Variants in FSHR observed in about 807,000 individuals in gnomAD.
FSHR encodes follicle-stimulating hormone receptor.
A neutral mutation model predicts 52.1 loss-of-function variants in FSHR; 46 were observed. The ratio of observed to expected loss-of-function variants is 0.88; its 90% CI spans 0.70 to 1.13. The LOEUF is 1.13. FSHR is among the 50% of genes most tolerant of loss of function. FSHR has a pLI of 0.00. For synonymous variants in FSHR, 399 were observed against 309.6 expected (o/e 1.29, Z -3.03); for missense variants, 964 against 834.6 (o/e 1.16, Z -1.91).
intron 4 of FSHR, among the ~76,000 whole-genome samples, chr2:49,013,124 CCCCCCA>C (rs1667335827): frequency 6.6e-6 from 1 of 150,748 alleles, no homozygotes; most frequent in Non-Finnish European, 1.5e-5. Context: ...TCTATCTTCC[CCCCCCA>C]CCCCCACTTT....
intron 2 of FSHR, among the ~76,000 whole-genome samples, chr2:49,062,052 A>T (rs949293150): frequency 6.6e-6 from 1 of 151,816 alleles, no homozygotes; most frequent in Admixed American, 6.6e-5. Flanking sequence ...TGCAATTCAG[A>T]CCAAATGGAC....
intron 1 of FSHR, among the ~76,000 whole-genome samples, chr2:49,127,019 A>C (rs1415239332): frequency 6.6e-6 from 1 of 152,188 alleles, no homozygotes; most frequent in Non-Finnish European, 1.5e-5. Context: ...CATGTGGGAA[A>C]GATAGAATAA....
At chr2:49,106,534 A>C (rs1671230487) in intron 1 of FSHR, among the ~76,000 whole-genome samples, 1 of 152,202 alleles carries the variant, frequency 6.6e-6, no homozygotes, top group Non-Finnish European at 1.5e-5. Flanking sequence ...GATTGAAATC[A>C]ATTAAGCGAG....
intron 1 of FSHR, among the ~76,000 whole-genome samples, chr2:49,111,955 C>A (rs567320768): frequency 1.3e-5 from 2 of 152,096 alleles, no homozygotes; most frequent in Non-Finnish European, 2.9e-5. Flanking sequence ...GACAATATTG[C>A]CCGTAATTTA....
At chr2:49,058,542 T>C (rs10451651) in intron 2 of FSHR, among the ~76,000 whole-genome samples, 83,966 of 151,788 alleles carry the variant, frequency 0.55, 23,588 homozygotes, top group East Asian at 0.75. Flanking sequence ...AAGACTCTGT[T>C]TCAACACCCT....
chr2:49,062,277 T>C (rs1669339754), intron 2 of FSHR, among the ~76,000 whole-genome samples: 1 of 152,142 alleles, frequency 6.6e-6, no homozygotes, highest in Non-Finnish European at 1.5e-5. Context: ...TATAGTGAAG[T>C]GATTTTCAAC....
intron 2 of FSHR, among the ~76,000 whole-genome samples, chr2:49,035,451 C>G (rs1018482368): frequency 2.6e-5 from 4 of 152,316 alleles, no homozygotes; most frequent in Middle Eastern, 6.8e-3. Context: ...ATCCTCTTCT[C>G]TGCCTCCCAC....
At chr2:49,037,461 G>A (rs1394521483) in intron 2 of FSHR, among the ~76,000 whole-genome samples, 2 of 151,968 alleles carry the variant, frequency 1.3e-5, no homozygotes, top group African/African-American at 4.8e-5. Context: ...CATATTAGAG[G>A]GAATATTTGC....
At chr2:49,069,092 C>T (rs1669629237) in intron 1 of FSHR, among the ~76,000 whole-genome samples, 1 of 152,078 alleles carries the variant, frequency 6.6e-6, no homozygotes, top group Non-Finnish European at 1.5e-5. Context: ...AAATTCCTTC[C>T]AATGGCTCCT....
chr2:49,083,347 G>A (rs1387506480), intron 1 of FSHR, among the ~76,000 whole-genome samples: 168 of 150,486 alleles, frequency 1.1e-3, no homozygotes, highest in African/African-American at 3.8e-3. Flanking sequence ...TGAAGGAAGC[G>A]CTAAACATGG....
intron 1 of FSHR, among the ~76,000 whole-genome samples, chr2:49,070,883 G>T (rs1332485946): frequency 1.3e-5 from 2 of 152,150 alleles, no homozygotes; most frequent in Non-Finnish European, 2.9e-5. Context: ...AGTAGAGCTT[G>T]CAAGGATATG....
chr2:49,101,188 A>G (rs1178523418), intron 1 of FSHR, among the ~76,000 whole-genome samples: 1 of 152,192 alleles, frequency 6.6e-6, no homozygotes, highest in Non-Finnish European at 1.5e-5. Flanking sequence ...TAACCTTCCA[A>G]AAATTTTGGA....
At chr2:49,051,340 C>T (rs1294562244) in intron 2 of FSHR, among the ~76,000 whole-genome samples, 3 of 152,122 alleles carry the variant, frequency 2.0e-5, no homozygotes, top group Non-Finnish European at 4.4e-5. Context: ...CACAGCCTCA[C>T]CAGTAACCTA....
At chr2:49,108,423 C>T (rs574822151) in intron 1 of FSHR, among the ~76,000 whole-genome samples, 3 of 152,156 alleles carry the variant, frequency 2.0e-5, no homozygotes, top group Admixed American at 2.0e-4. Context: ...ATATCCATAC[C>T]TGGGTTTATT....
At chr2:48,977,908 TTA>T (rs1360308749) in intron 8 of FSHR, among the ~76,000 whole-genome samples, 1 of 152,160 alleles carries the variant, frequency 6.6e-6, no homozygotes, top group East Asian at 1.9e-4. Flanking sequence ...TTTTTAAACT[TTA>T]TCTTTCAGGC....
chr2:49,080,283 G>C (rs1457095829), intron 1 of FSHR, among the ~76,000 whole-genome samples: 1 of 152,124 alleles, frequency 6.6e-6, no homozygotes, highest in Non-Finnish European at 1.5e-5. Flanking sequence ...GCTTTCAAGA[G>C]TCATTTGTTA....
At chr2:49,135,646 C>G (rs1672463345) in intron 1 of FSHR, among the ~76,000 whole-genome samples, 2 of 152,102 alleles carry the variant, frequency 1.3e-5, no homozygotes, top group South Asian at 2.1e-4. Context: ...GTTAGGTTTA[C>G]CAACCCCCAT....
intron 1 of FSHR, 96 bp downstream of exon 1, chr2:49,154,170 T>A: frequency 7.5e-7 from 1 of 1,332,452 alleles, no homozygotes. Flanking sequence ...CAGAAATATT[T>A]CAGTCTAACA....
At chr2:49,124,450 T>C (rs1353656516) in intron 1 of FSHR, among the ~76,000 whole-genome samples, 3 of 152,194 alleles carry the variant, frequency 2.0e-5, no homozygotes, top group African/African-American at 7.2e-5. Context: ...TTTAAAAGTA[T>C]AAAGAGCTGT....
Sources: allele counts gnomAD v4.1 joint callset (sites outside exome capture counted in the v4.1 genomes callset), GRCh38; gene constraint gnomAD v4.1.1; transcripts MANE v1.5; gene names NCBI Gene and HGNC (gene_info 2026-07-23, HGNC 2026-07-21).